Variants in NLGN4X observed in about 807,000 individuals in gnomAD.
NLGN4X encodes neuroligin 4 X-linked, also known as neuroligin-4, X-linked.
A neutral mutation model predicts 40.3 loss-of-function variants in NLGN4X; 3 were observed. That is an observed-to-expected ratio of 0.07 (90% confidence interval 0.03 to 0.19). NLGN4X has a LOEUF of 0.19. Among genes scored for constraint, NLGN4X ranks in the 10% least tolerant of loss-of-function variants. The probability of loss-of-function intolerance (pLI) is 1.00; values close to 1 mark genes in which losing one functional copy is unlikely to be tolerated. For missense variants in NLGN4X, 382 were observed against 708.3 expected (o/e 0.54, Z 5.23); for synonymous variants, 270 against 306.8 (o/e 0.88, Z 1.25).
At chrX:6,137,579 T>G (rs2039848993) in intron 2 of NLGN4X, among the ~76,000 whole-genome samples, 1 of 111,506 alleles carries the variant, frequency 9.0e-6, no homozygotes, top group East Asian at 2.8e-4. Flanking sequence ...ATATCAAATC[T>G]CAAAGAAATT....
At chrX:5,976,987 G>T (rs1008391456) in intron 3 of NLGN4X, among the ~76,000 whole-genome samples, 3 of 109,757 alleles carry the variant, frequency 2.7e-5, no homozygotes, top group African/African-American at 1.0e-4. Flanking sequence ...GAGGAATATT[G>T]GTAAAGGAAT....
intron 1 of NLGN4X, among the ~76,000 whole-genome samples, chrX:6,208,878 G>A (rs1387891468): frequency 8.9e-6 from 1 of 111,840 alleles, no homozygotes; most frequent in Non-Finnish European, 1.9e-5. Context: ...TCCCACTACT[G>A]GGTATCTACG....
intron 3 of NLGN4X, among the ~76,000 whole-genome samples, chrX:5,984,748 G>T (rs1018822493): frequency 1.8e-5 from 2 of 112,184 alleles, no homozygotes; most frequent in African/African-American, 6.5e-5. Context: ...ATGGCTGAAA[G>T]AAGTAATTGC....
chrX:6,224,928 G>A (rs749528001), intron 1 of NLGN4X, among the ~76,000 whole-genome samples: 2 of 95,671 alleles, frequency 2.1e-5, no homozygotes, highest in Non-Finnish European at 4.1e-5. Flanking sequence ...TGCTACAACT[G>A]GCCCTGATTA....
chrX:6,227,310 C>G (rs1378961365), intron 1 of NLGN4X: 4 of 109,511 alleles, frequency 3.7e-5, no homozygotes, highest in African/African-American at 1.3e-4. Flanking sequence ...ACTGGCGGAC[C>G]GTGCGCCCCG....
chrX:6,160,534 A>AT (rs35026118), intron 1 of NLGN4X, among the ~76,000 whole-genome samples: 365 of 99,977 alleles, frequency 3.7e-3, no homozygotes, highest in African/African-American at 0.01. Flanking sequence ...CTATAAAATA[A>AT]TTTTTTTTTT....
At chrX:6,043,142 CACACACACACACACACAA>C (rs2147266021) in intron 2 of NLGN4X, among the ~76,000 whole-genome samples, 1 of 103,151 alleles carries the variant, frequency 9.7e-6, no homozygotes, top group South Asian at 4.4e-4. Flanking sequence ...CATACACACA[CACACACACACACACACAA>C]ACACACGTAT....
At chrX:6,163,604 C>T (rs2040443207) in intron 1 of NLGN4X, among the ~76,000 whole-genome samples, 1 of 112,052 alleles carries the variant, frequency 8.9e-6, no homozygotes, top group Non-Finnish European at 1.9e-5. Flanking sequence ...GCAGAATGGA[C>T]TTTGCAATGG....
chrX:6,092,129 A>C (rs2038657138), intron 2 of NLGN4X, among the ~76,000 whole-genome samples: 1 of 110,836 alleles, frequency 9.0e-6, no homozygotes, highest in South Asian at 3.8e-4. Flanking sequence ...TCCCTGAACA[A>C]AACAATTACC....
chrX:6,206,374 A>T (rs1714900665), intron 1 of NLGN4X, among the ~76,000 whole-genome samples: 1 of 112,008 alleles, frequency 8.9e-6, no homozygotes, highest in Admixed American at 9.5e-5. Flanking sequence ...ACATCCAGTC[A>T]TCACACTGGA....
intron 3 of NLGN4X, among the ~76,000 whole-genome samples, chrX:5,938,698 T>C (rs1291216274): frequency 9.0e-6 from 1 of 111,231 alleles, no homozygotes; most frequent in Non-Finnish European, 1.9e-5. Flanking sequence ...GGGTCAGTAT[T>C]AGGTTTAGAG....
rs375777247 is a variant in NLGN4X at position 5,903,529 on chromosome X, G to A, written c.1149C>T (p.Ile383=). ...QGEGLKFVDG[I]VDNEDGVTPN... ...GCGTCACACCGTCCTCGTTATCCAC[G>A]ATGCCGTCCACGAACTTCAGGCCTT... The change falls in exon 5 of 6, where the codon ATC becomes ATT. Residue 383 remains isoleucine, a synonymous_variant. Coordinates refer to ENST00000381095, the MANE Select transcript of NLGN4X (RefSeq NM_181332.3). The A allele has an allele frequency of 5.0e-6, 6 of 1,209,813 alleles. No individual in the cohort carries two copies. The East Asian group carries it at 8.9e-5, about 18-fold the overall frequency.
intron 3 of NLGN4X, among the ~76,000 whole-genome samples, chrX:5,925,033 T>G (rs2033219893): frequency 9.0e-6 from 1 of 111,567 alleles, no homozygotes; most frequent in Admixed American, 9.5e-5. Flanking sequence ...AAGTCCCAAT[T>G]CATTAATAAT....
chrX:5,908,728 A>T (rs1187471982), intron 4 of NLGN4X, among the ~76,000 whole-genome samples: 2 of 111,713 alleles, frequency 1.8e-5, no homozygotes, highest in Non-Finnish European at 3.8e-5. Flanking sequence ...AGGCAAACAT[A>T]GCAAGACCAC....
rs368762265 is a variant in NLGN4X, at chrX:5,903,484, G to A, written c.1194C>T (p.Ser398=). 19 of 1,204,403 alleles carry A rather than the reference G, an allele frequency of 1.6e-5. No individual in the cohort carries two copies. Among genetic ancestry groups the A allele is most frequent in the Middle Eastern group, 2.3e-4 (1 of 4,324 alleles). The stretch of plus-strand genomic sequence containing the variant: ...AAAGGTTGTCCACGAAGTTGGACAC[G>A]GAGAAGTCAAAGTCGTTGGGCGTCA... ...DGVTPNDFDF[S]VSNFVDNLYG... is the part of the protein sequence containing the mutation. The change falls in exon 5 of 6, where the codon TCC becomes TCT. Residue 398 remains serine, a synonymous_variant. Coordinates refer to ENST00000381095, the MANE Select transcript of NLGN4X (RefSeq NM_181332.3).
intron 1 of NLGN4X, among the ~76,000 whole-genome samples, chrX:6,164,076 A>G (rs2040452984): frequency 8.9e-6 from 1 of 112,714 alleles, no homozygotes; most frequent in Admixed American, 9.3e-5. Context: ...CCACCATAAA[A>G]TTCTCATAGG....
chrX:5,983,635 G>A (rs944823868), intron 3 of NLGN4X, among the ~76,000 whole-genome samples: 11 of 111,683 alleles, frequency 9.8e-5, no homozygotes, highest in African/African-American at 3.6e-4. Context: ...GAGTATCGTG[G>A]AAATCTGAAA....
rs199691778 is a variant in NLGN4X, at chrX:6,174,088, C to CA, written c.-305-22318dup. On this transcript the variant is annotated intron_variant, in intron 1 of 5. Transcript: ENST00000381095. ...AAACAAAACAAAACAAAACAAAAAACAAAAAAAAACTGTGCCTAGAACATG... is the reference window on the plus strand; with the variant it reads ...AAACAAAACAAAACAAAACAAAAAACAAAAAAAAAACTGTGCCTAGAACATG... Among the ~76,000 whole-genome samples the CA allele has an allele frequency of 4.2e-4, 45 of 108,177 alleles. No individual in the cohort carries two copies. In the East Asian group the frequency reaches 8.5e-3, roughly 20 times the overall value. 93.9% of individuals were successfully genotyped at this position (108,177 alleles called of 115,157 possible).
In NLGN4X at chrX:6,179,099, A is replaced by AAAGG. The variant is rs750508795; in HGVS notation, c.-305-27332_-305-27329dup. Among the ~76,000 whole-genome samples the AAAGG allele has an allele frequency of 7.6e-3, 597 of 78,184 alleles. 35 individuals are homozygous for AAAGG. The highest frequency in any genetic ancestry group is 0.027 in the African/African-American group (422 of 15,735). 67.9% of individuals were successfully genotyped at this position (78,184 alleles called of 115,157 possible). On this transcript the variant is annotated intron_variant, in intron 1 of 5. Transcript: ENST00000381095. ...GAGCGACAAAGCAAGACCCTGAAAA[A>AAAGG]AAGGAAGGAAGGAAGGAAGGAAGGA...
Sources: gnomAD v4.1 joint callset for allele counts (sites outside exome capture counted in the v4.1 genomes callset) on GRCh38, gnomAD v4.1.1 for gene constraint, MANE v1.5 for transcripts, NCBI Gene and HGNC (gene_info 2026-07-23, HGNC 2026-07-21) for gene names.